The following ICE2 variants were observed in gnomAD, a reference collection of about 807,000 sequenced individuals.
The protein encoded by ICE2 is interactor of little elongation complex ELL subunit 2.
In ICE2, 87 loss-of-function variants were observed where a neutral mutation model predicts 105.4. The observed-to-expected ratio is 0.83, with a 90% CI of 0.69 to 0.99. The LOEUF (loss-of-function observed/expected upper bound fraction) is 0.99. ICE2 is among the 50% of genes least tolerant of loss of function. The pLI is 0.00. For missense variants in ICE2, 1,323 were observed against 1,146.7 expected (o/e 1.15, Z -2.22); for synonymous variants, 399 against 392.0 (o/e 1.02, Z -0.21).
intron 11 of ICE2, among the ~76,000 whole-genome samples, chr15:60,443,936 A>G (rs1020510820): frequency 6.6e-6 from 1 of 151,822 alleles, no homozygotes; most frequent in African/African-American, 2.4e-5. Flanking sequence ...TCTACAAAAA[A>G]TTAAAAAAAA....
chr15:60,432,097 G>C, intron 13 of ICE2, 113 bp from the exon 14 acceptor site: 3 of 405,492 alleles, frequency 7.4e-6, no homozygotes, highest in Non-Finnish European at 1.3e-5. Flanking sequence ...AACAGCGGAT[G>C]AGATAATGTA....
intron 15 of ICE2, among the ~76,000 whole-genome samples, chr15:60,426,434 G>A (rs959733137): frequency 3.9e-5 from 6 of 152,174 alleles, no homozygotes; most frequent in Non-Finnish European, 7.3e-5. Flanking sequence ...ACACCCTCTA[G>A]GTTTGTGTAA....
intron 3 of ICE2, among the ~76,000 whole-genome samples, chr15:60,471,927 G>C (rs1055298822): frequency 1.3e-5 from 2 of 151,832 alleles, no homozygotes; most frequent in African/African-American, 4.8e-5. Flanking sequence ...AGTATCTTCT[G>C]AGTTTGATTT....
At chr15:60,436,266 G>A (rs768146509) in intron 12 of ICE2, 39 bp from the exon 13 acceptor site, 2 of 771,840 alleles carry the variant, frequency 2.6e-6, no homozygotes, top group Non-Finnish European at 4.0e-6. Context: ...AGAAGCAATT[G>A]CAGTATTTAG....
chr15:60,447,113 A>G (rs1474747992), intron 11 of ICE2, among the ~76,000 whole-genome samples: 2 of 152,140 alleles, frequency 1.3e-5, no homozygotes, highest in African/African-American at 4.8e-5. Context: ...TTTCCTGAGG[A>G]AAATATTTAT....
intron 10 of ICE2, 93 bp from the exon 11 acceptor site, chr15:60,448,238 C>G: frequency 1.3e-6 from 1 of 784,472 alleles, no homozygotes; most frequent in Non-Finnish European, 1.9e-6. Context: ...TTTAAAACTT[C>G]TATCATCTTT....
rs886404011 is a variant in ICE2 at position 60,479,066 on chromosome 15, C to G, written c.-156G>C. 1 of 453,054 alleles carries G rather than the reference C, an allele frequency of 2.2e-6. No individual in the cohort carries two copies. Among genetic ancestry groups the G allele is most frequent in the East Asian group, 7.0e-5 (1 of 14,214 alleles). The allele number at this position is 453,054 out of a possible 1,614,324, so 28.1% of individuals were successfully genotyped here. A position where few individuals can be genotyped will look rare whatever the true frequency, so the allele number is the denominator to read the frequency against. ...CACACCACACACGCTCCACCCCACT[C>G]CTCACATTGTCGCGCGCGCCCAAAA... On this transcript the variant is annotated 5_prime_UTR_variant, in exon 1 of 16. Coordinates refer to ENST00000261520, the MANE Select transcript of ICE2 (RefSeq NM_024611.6).
rs146508485 is a variant in ICE2, at chr15:60,449,261, C to T, written c.1706G>A (p.Cys569Tyr). The T allele has an allele frequency of 1.1e-4, 181 of 1,613,464 alleles. No individual in the cohort carries two copies. The highest frequency in any genetic ancestry group is 1.5e-4 in the Non-Finnish European group (175 of 1,179,990). Residue 569 changes from cysteine to tyrosine, a missense_variant, in exon 10 of 16, where the codon TGC becomes TAC. Physicochemically the swap from Cys to Tyr is radical, Grantham distance 194. Transcript: ENST00000261520. ...EAAKTEDTVL[C>Y]SSDTDEECLI... ...ACACTCCTCATCTGTATCACTGCTG[C>T]AGAGAACTGTATCTTCAGTTTTTGC...
chr15:60,456,869 G>T, intron 5 of ICE2, 75 bp from the exon 6 acceptor site: 1 of 849,430 alleles, frequency 1.2e-6, no homozygotes, highest in Non-Finnish European at 1.7e-6. Context: ...AGTTACATGT[G>T]ACTATGTAAT....
At position 60,419,609 on chromosome 15, in the gene ICE2, T is replaced by C. The variant is rs752808506; in HGVS notation, c.*4025A>G. 1.3e-5 allele frequency: 2 copies of C among 152,210 alleles called. No individual in the cohort carries two copies. Among genetic ancestry groups the C allele is most frequent in the African/African-American group, 2.4e-5 (1 of 41,448 alleles). The allele number at this position is 152,210 out of a possible 1,614,324, so 9.4% of individuals were successfully genotyped here. A position where few individuals can be genotyped will look rare whatever the true frequency, so the allele number is the denominator to read the frequency against. On this transcript the variant is annotated 3_prime_UTR_variant, in exon 16 of 16. Transcript: ENST00000261520. The stretch of plus-strand genomic sequence containing the variant: ...GTGAAGGGGACATGGCAACAGTAGA[T>C]GGATAAATGAAATGGATCCCCTTTA...
chr15:60,428,754 C>T, intron 14 of ICE2, 67 bp from the exon 15 acceptor site: 1 of 1,518,924 alleles, frequency 6.6e-7, no homozygotes. Flanking sequence ...CTTTCTTAAT[C>T]ATAATCTATT....
At chr15:60,469,718 C>G (rs2064535173) in intron 3 of ICE2, among the ~76,000 whole-genome samples, 1 of 152,148 alleles carries the variant, frequency 6.6e-6, no homozygotes, top group Non-Finnish European at 1.5e-5. Context: ...CATAGTTTAC[C>G]ATGGCATACA....
intron 3 of ICE2, among the ~76,000 whole-genome samples, chr15:60,470,041 G>A (rs917558250): frequency 6.6e-6 from 1 of 152,132 alleles, no homozygotes; most frequent in Non-Finnish European, 1.5e-5. Flanking sequence ...ATCCACAGAG[G>A]AAGGGAAACT....
Position 60,422,636 on chromosome 15 carries a change from A to C in ICE2, c.*998T>G, listed in dbSNP as rs2063254210. 2 of 151,754 alleles carry C rather than the reference A, an allele frequency of 1.3e-5. No individual in the cohort carries two copies. The highest frequency in any genetic ancestry group is 4.2e-4 in the South Asian group (2 of 4,786). 9.4% of individuals were successfully genotyped at this position (151,754 alleles called of 1,614,324 possible). ...CGGATCACAAGGTCAGGAGTTTGAGACCAGCCCGGCCAACATGGTAACACC... is the reference window on the plus strand; with the variant it reads ...CGGATCACAAGGTCAGGAGTTTGAGCCCAGCCCGGCCAACATGGTAACACC... On this transcript the variant is annotated 3_prime_UTR_variant, in exon 16 of 16. Transcript: ENST00000261520.
rs191508710 is a variant in ICE2 at position 60,435,548 on chromosome 15, G to A, written c.2510+595C>T. 5.0e-3 allele frequency among the ~76,000 whole-genome samples: 754 copies of A among 150,976 alleles called. 2 individuals are homozygous for A. The highest frequency in any genetic ancestry group is 0.018 in the African/African-American group (721 of 40,872). ...CAGGAGGTGGAGGCTGCAGTGAACT[G>A]AGATCACACCACTGCACTCTAGCCT... On this transcript the variant is annotated intron_variant, in intron 13 of 15. Coordinates refer to ENST00000261520, the MANE Select transcript of ICE2 (RefSeq NM_024611.6).
At chr15:60,475,942 G>C (rs1220077911) in intron 3 of ICE2, 121 bp downstream of exon 3, 1 of 631,870 alleles carries the variant, frequency 1.6e-6, no homozygotes, top group African/African-American at 1.9e-5. Flanking sequence ...AGTGTTAAAA[G>C]TTGTTTTACT....
intron 5 of ICE2, among the ~76,000 whole-genome samples, chr15:60,457,332 T>C (rs574512206): frequency 6.6e-6 from 1 of 152,176 alleles, no homozygotes; most frequent in Non-Finnish European, 1.5e-5. Context: ...TGTAAGTTAA[T>C]AAAATTCACA....
Position 60,424,353 on chromosome 15 carries a change from C to A in ICE2, c.2821-591G>T, listed in dbSNP as rs1310472338. 2.3e-5 allele frequency among the ~76,000 whole-genome samples: 3 copies of A among 132,646 alleles called. No homozygotes were observed. The East Asian group carries it at 6.7e-4, about 29-fold the overall frequency. The allele number at this position is 132,646 out of a possible 152,430, so 87.0% of individuals were successfully genotyped here. ...CAAGTAGCAGGGAAATCCTGAAGGG[C>A]TGAAAGAGGAGAGCAAGAAAGAAAT... On this transcript the variant is annotated intron_variant, in intron 15 of 15. Transcript: ENST00000261520.
At chr15:60,471,240 G>GT (rs1282276501) in intron 3 of ICE2, among the ~76,000 whole-genome samples, 5 of 151,738 alleles carry the variant, frequency 3.3e-5, no homozygotes, top group Non-Finnish European at 7.4e-5. Flanking sequence ...AATAACACAG[G>GT]TAAAAAAAAG....
Sources: allele counts gnomAD v4.1 joint callset (sites outside exome capture counted in the v4.1 genomes callset), GRCh38; gene constraint gnomAD v4.1.1; transcripts MANE v1.5; gene names NCBI Gene and HGNC (gene_info 2026-07-23, HGNC 2026-07-21).